PPP2R3A: variants seen among roughly 807,000 people sequenced by gnomAD.
PPP2R3A encodes protein phosphatase 2 regulatory subunit B''alpha.
In PPP2R3A, 80 loss-of-function variants were observed where a neutral mutation model predicts 106.9. That is an observed-to-expected ratio of 0.75 (90% CI 0.62 to 0.90). The LOEUF (loss-of-function observed/expected upper bound fraction) is 0.90. Among genes scored for constraint, PPP2R3A ranks in the 40% least tolerant of loss-of-function variants. The pLI is 0.00. For missense variants in PPP2R3A, 1,386 were observed against 1,350.4 expected, an observed-to-expected ratio of 1.03 and a Z score of -0.41; for synonymous variants, 483 against 468.3, an observed-to-expected ratio of 1.03 and a Z score of -0.41.
chr3:136,077,340 T>C (rs914560635), intron 6 of PPP2R3A, among the ~76,000 whole-genome samples: 2 of 152,186 alleles, frequency 1.3e-5, no homozygotes, highest in African/African-American at 4.8e-5. Flanking sequence ...TAGTCCCTCA[T>C]TAGGCCTACT....
In PPP2R3A at chr3:136,128,245, T is replaced by C. The variant is rs1400568395; in HGVS notation, c.3330-16798T>C. Reference sequence around the variant, plus strand: ...AATTGGATAAAGAGTCAAGACCCACTGGTGTGCTGTATTCAGGAGACCCAT... The same window carrying C: ...AATTGGATAAAGAGTCAAGACCCACCGGTGTGCTGTATTCAGGAGACCCAT... On this transcript the variant is annotated intron_variant, in intron 13 of 13. Transcript: ENST00000264977. Among the ~76,000 whole-genome samples, 3 of 151,604 alleles carry C rather than the reference T, an allele frequency of 2.0e-5. No homozygotes were observed. The East Asian group carries it at 5.8e-4, about 29-fold the overall frequency.
At chr3:135,988,838 A>G (rs1933037669) in intron 1 of PPP2R3A, among the ~76,000 whole-genome samples, 2 of 152,162 alleles carry the variant, frequency 1.3e-5, no homozygotes, top group Admixed American at 1.3e-4. Flanking sequence ...TAGATTAATT[A>G]AATATTTTTG....
intron 13 of PPP2R3A, among the ~76,000 whole-genome samples, chr3:136,116,662 T>C (rs1476716215): frequency 1.3e-5 from 2 of 152,138 alleles, no homozygotes; most frequent in Non-Finnish European, 2.9e-5. Context: ...TACATGATGG[T>C]AAAGGGATCA....
At chr3:136,000,343 A>G (rs189825248) in intron 1 of PPP2R3A, among the ~76,000 whole-genome samples, 1 of 152,238 alleles carries the variant, frequency 6.6e-6, no homozygotes, top group African/African-American at 2.4e-5. Flanking sequence ...GAATAAATAC[A>G]TTGACAGAAC....
chr3:136,057,310 A>T (rs1559893817), intron 5 of PPP2R3A, among the ~76,000 whole-genome samples: 1 of 152,240 alleles, frequency 6.6e-6, no homozygotes. Context: ...GTGTATATAT[A>T]CACAATGGAA....
rs890213680 is a variant in PPP2R3A at position 136,079,221 on chromosome 3, G to T, written c.2631+768G>T. 6.6e-6 allele frequency: 3 copies of T among 453,784 alleles called. No homozygotes were observed. The Admixed American group carries it at 7.1e-5, about 11-fold the overall frequency. 28.1% of individuals were successfully genotyped at this position (453,784 alleles called of 1,614,324 possible). Reference sequence around the variant, plus strand: ...ACATTTTTTTATTCTAAAATGAACAGTCATCATCACAGTCAGTGTTGATAT... The same window carrying T: ...ACATTTTTTTATTCTAAAATGAACATTCATCATCACAGTCAGTGTTGATAT... On this transcript the variant is annotated intron_variant, in intron 7 of 13. Transcript: ENST00000264977.
chr3:136,019,410 C>T (rs747746540), intron 2 of PPP2R3A, among the ~76,000 whole-genome samples: 1 of 152,076 alleles, frequency 6.6e-6, no homozygotes, highest in Non-Finnish European at 1.5e-5. Context: ...AGAAATCTGT[C>T]ACCCCAAAAC....
chr3:136,087,683 G>A (rs1227180995), intron 8 of PPP2R3A, 200 bp from the exon 9 acceptor site: 13 of 476,646 alleles, frequency 2.7e-5, no homozygotes, highest in African/African-American at 7.8e-5. Context: ...ATACTTCCCA[G>A]ATGTCAGCCA....
chr3:136,019,751 C>G (rs1934400199), intron 2 of PPP2R3A, among the ~76,000 whole-genome samples: 1 of 152,162 alleles, frequency 6.6e-6, no homozygotes, highest in African/African-American at 2.4e-5. Context: ...TTGCCACAGA[C>G]CAGTTCTTTT....
At chr3:136,045,294 G>A (rs1020790856) in intron 4 of PPP2R3A, among the ~76,000 whole-genome samples, 3 of 152,208 alleles carry the variant, frequency 2.0e-5, no homozygotes, top group African/African-American at 4.8e-5. Flanking sequence ...GCTGGTGCTC[G>A]ACCTCAGGGA....
intron 10 of PPP2R3A, among the ~76,000 whole-genome samples, chr3:136,098,421 T>A (rs1937270967): frequency 6.6e-6 from 1 of 152,262 alleles, no homozygotes; most frequent in Non-Finnish European, 1.5e-5. Flanking sequence ...TAATGTGACT[T>A]ACTTGAAAAC....
intron 13 of PPP2R3A, among the ~76,000 whole-genome samples, chr3:136,113,571 A>G (rs1937632033): frequency 6.6e-6 from 1 of 152,186 alleles, no homozygotes; most frequent in Non-Finnish European, 1.5e-5. Flanking sequence ...CGGGAGGATC[A>G]CTTGAGGCTA....
intron 13 of PPP2R3A, among the ~76,000 whole-genome samples, chr3:136,113,256 A>C (rs111519409): frequency 3.3e-5 from 5 of 152,182 alleles, no homozygotes; most frequent in African/African-American, 1.2e-4. Flanking sequence ...CATGGTGCTG[A>C]TACAAAAACA....
At chr3:136,140,293 CAA>C (rs1417728305) in intron 13 of PPP2R3A, among the ~76,000 whole-genome samples, 1 of 151,914 alleles carries the variant, frequency 6.6e-6, no homozygotes, top group Admixed American at 6.6e-5. Flanking sequence ...AGATCTGACT[CAA>C]GATGAATTGT....
chr3:136,083,424 CAT>C (rs1936840392), intron 8 of PPP2R3A, among the ~76,000 whole-genome samples: 1 of 152,178 alleles, frequency 6.6e-6, no homozygotes, highest in African/African-American at 2.4e-5. Context: ...CACCCTGTAA[CAT>C]GTGCTGTTGC....
chr3:136,147,779 T>G lies in PPP2R3A; in HGVS notation c.*2613T>G, dbSNP rs1576348918. 2 of 152,254 alleles carry G rather than the reference T, an allele frequency of 1.3e-5. No homozygotes were observed. Among genetic ancestry groups the G allele is most frequent in the East Asian group, 3.8e-4 (2 of 5,200 alleles). 9.4% of individuals were successfully genotyped at this position (152,254 alleles called of 1,614,324 possible). A position where few individuals can be genotyped will look rare whatever the true frequency, so the allele number is the denominator to read the frequency against. On this transcript the variant is annotated 3_prime_UTR_variant, in exon 14 of 14. Coordinates refer to ENST00000264977, the MANE Select transcript of PPP2R3A (RefSeq NM_002718.5). Reference sequence around the variant, plus strand: ...ACCATTCAAAGTGTTTATAAAACTCTAGATTCATCAAATGAGATTTGCTCA... The same window carrying G: ...ACCATTCAAAGTGTTTATAAAACTCGAGATTCATCAAATGAGATTTGCTCA...
chr3:135,997,956 T>C (rs1241312865), intron 1 of PPP2R3A, among the ~76,000 whole-genome samples: 3 of 152,216 alleles, frequency 2.0e-5, no homozygotes, highest in Non-Finnish European at 2.9e-5. Flanking sequence ...TGTAACAAAT[T>C]TCATCGTGTT....
chr3:136,022,658 G>A, intron 2 of PPP2R3A: 3 of 631,498 alleles, frequency 4.8e-6, no homozygotes, highest in South Asian at 6.7e-5. Context: ...TAAGAAGTTA[G>A]CATTATCTGA....
At chr3:136,073,775 G>A (rs544050919) in intron 6 of PPP2R3A, among the ~76,000 whole-genome samples, 36 of 152,302 alleles carry the variant, frequency 2.4e-4, no homozygotes, top group African/African-American at 8.4e-4. Flanking sequence ...TGCCTTTTCT[G>A]TTATGAAACT....
Sources: gnomAD v4.1 joint callset for allele counts (sites outside exome capture counted in the v4.1 genomes callset) on GRCh38, gnomAD v4.1.1 for gene constraint, MANE v1.5 for transcripts, NCBI Gene and HGNC (gene_info 2026-07-23, HGNC 2026-07-21) for gene names.